Variants in ME1 observed in about 807,000 individuals in gnomAD.
The protein encoded by ME1 is NADP-dependent malic enzyme.
Under a neutral mutation model 66.4 loss-of-function variants are expected in ME1, and 74 were observed. The observed-to-expected ratio is 1.11, with a 90% confidence interval of 0.92 to 1.35. The LOEUF is 1.35. Among genes scored for constraint, ME1 ranks in the 40% most tolerant of loss-of-function variants. The probability of loss-of-function intolerance (pLI) is 0.00; values close to 1 mark genes in which losing one functional copy is unlikely to be tolerated. For missense variants in ME1, 750 were observed against 694.1 expected, an observed-to-expected ratio of 1.08 and a Z score of -0.90; for synonymous variants, 251 against 235.6, an observed-to-expected ratio of 1.07 and a Z score of -0.60.
intron 7 of ME1, among the ~76,000 whole-genome samples, chr6:83,243,636 CATTATATCGATATAATCTATTATA>C (rs1790554095): frequency 1.2e-5 from 1 of 86,486 alleles, no homozygotes. Flanking sequence ...ATTATAATTA[CATTATATCGATATAATCTATTATA>C]ATTACATTAT....
At chr6:83,415,230 C>T (rs1338088846) in intron 1 of ME1, among the ~76,000 whole-genome samples, 1 of 152,166 alleles carries the variant, frequency 6.6e-6, no homozygotes, top group African/African-American at 2.4e-5. Context: ...GAAGAATCTG[C>T]AGACTATGAA....
At chr6:83,375,759 A>T (rs1035474481) in intron 3 of ME1, among the ~76,000 whole-genome samples, 1 of 152,086 alleles carries the variant, frequency 6.6e-6, no homozygotes, top group Non-Finnish European at 1.5e-5. Context: ...TTATTTTGAG[A>T]TATGTTCCAT....
At chr6:83,393,132 G>A in intron 3 of ME1, 1 of 1,373,116 alleles carries the variant, frequency 7.3e-7, no homozygotes, top group Non-Finnish European at 1.0e-6. Context: ...GTCAGTGGTG[G>A]ACCTGACCTG....
chr6:83,264,463 C>T (rs1346751017), intron 6 of ME1, among the ~76,000 whole-genome samples: 2 of 152,112 alleles, frequency 1.3e-5, no homozygotes, highest in African/African-American at 4.8e-5. Flanking sequence ...TATTGCTACC[C>T]TAGACAATAA....
chr6:83,388,420 C>T (rs1370044947), intron 3 of ME1, among the ~76,000 whole-genome samples: 2 of 152,074 alleles, frequency 1.3e-5, no homozygotes, highest in East Asian at 3.9e-4. Flanking sequence ...TCAAATATTC[C>T]AATATTCTGA....
At chr6:83,385,891 A>G (rs1769495024) in intron 3 of ME1, among the ~76,000 whole-genome samples, 1 of 151,912 alleles carries the variant, frequency 6.6e-6, no homozygotes. Flanking sequence ...TTAAATTCAT[A>G]ATTTAAGAAA....
At chr6:83,414,025 C>A (rs557100913) in intron 1 of ME1, among the ~76,000 whole-genome samples, 76 of 145,382 alleles carry the variant, frequency 5.2e-4, no homozygotes, top group Non-Finnish European at 8.5e-4. Context: ...GTGGGAAGAT[C>A]ATTTGATCCT....
intron 6 of ME1, among the ~76,000 whole-genome samples, chr6:83,311,368 C>A (rs886129965): frequency 6.6e-6 from 1 of 152,118 alleles, no homozygotes; most frequent in African/African-American, 2.4e-5. Flanking sequence ...TCCTGAGATA[C>A]AGGATTTAAC....
At chr6:83,258,178 G>A (rs191126400) in intron 6 of ME1, among the ~76,000 whole-genome samples, 53 of 152,214 alleles carry the variant, frequency 3.5e-4, no homozygotes, top group African/African-American at 1.3e-3. Flanking sequence ...GTAAAATGGT[G>A]TACAGGATAC....
chr6:83,403,329 A>C (rs907180281), intron 2 of ME1, among the ~76,000 whole-genome samples: 8 of 152,314 alleles, frequency 5.3e-5, no homozygotes, highest in African/African-American at 7.2e-5. Context: ...TATGAACAAC[A>C]GAAATTGATT....
chr6:83,294,764 G>GA (rs1357524403), intron 6 of ME1, among the ~76,000 whole-genome samples: 1 of 151,748 alleles, frequency 6.6e-6, no homozygotes, highest in Non-Finnish European at 1.5e-5. Context: ...AGTTCCCCCC[G>GA]ACTCCCCCTG....
At chr6:83,381,427 G>A (rs542442948) in intron 3 of ME1, among the ~76,000 whole-genome samples, 1 of 149,316 alleles carries the variant, frequency 6.7e-6, no homozygotes, top group African/African-American at 2.5e-5. Flanking sequence ...ACGGAGTCTC[G>A]CTCTGTTGCC....
chr6:83,278,533 C>G (rs1767232046), intron 6 of ME1, among the ~76,000 whole-genome samples: 1 of 152,188 alleles, frequency 6.6e-6, no homozygotes. Flanking sequence ...CCTAGAACTC[C>G]TGGGCTCAAG....
rs1554262672 is a variant in ME1 at position 83,230,135 on chromosome 6, T to TTTTG, written c.1027-1205_1027-1204insCAAA. On this transcript the variant is annotated intron_variant, in intron 9 of 13. Coordinates refer to ENST00000369705, the MANE Select transcript of ME1 (RefSeq NM_002395.6). ...GCCACCATGCCAGGCTCTGTTTTTT[T>TTTTG]TTGTTGTTGTTGTTGTTGTTGTTGT... Among the ~76,000 whole-genome samples the TTTTG allele has an allele frequency of 3.3e-4, 50 of 151,698 alleles. 1 individual carries two copies. Among genetic ancestry groups the TTTTG allele is most frequent in the South Asian group, 2.1e-4 (1 of 4,804 alleles).
chr6:83,226,753 T>C (rs1426467702), intron 11 of ME1, among the ~76,000 whole-genome samples: 1 of 151,890 alleles, frequency 6.6e-6, no homozygotes, highest in South Asian at 2.1e-4. Flanking sequence ...TTTGTTGTAA[T>C]GATATTTTAA....
chr6:83,270,999 A>G (rs1767072299), intron 6 of ME1, among the ~76,000 whole-genome samples: 1 of 151,682 alleles, frequency 6.6e-6, no homozygotes, highest in African/African-American at 2.4e-5. Flanking sequence ...CAAATGAAGT[A>G]AAGTTGTGGC....
chr6:83,309,606 TGTGAA>T (rs1424847048), intron 6 of ME1, among the ~76,000 whole-genome samples: 1 of 152,100 alleles, frequency 6.6e-6, no homozygotes, highest in Non-Finnish European at 1.5e-5. Flanking sequence ...TGAGTATAAA[TGTGAA>T]GTGGAGTTTT....
At chr6:83,251,273 T>C (rs1487735366) in intron 7 of ME1, among the ~76,000 whole-genome samples, 1 of 152,044 alleles carries the variant, frequency 6.6e-6, no homozygotes, top group Non-Finnish European at 1.5e-5. Context: ...GGCGGGCAGA[T>C]CACTTGCATT....
intron 2 of ME1, among the ~76,000 whole-genome samples, chr6:83,403,494 T>G (rs1769874744): frequency 6.6e-6 from 1 of 152,170 alleles, no homozygotes; most frequent in East Asian, 1.9e-4. Context: ...TATTTTTTTA[T>G]TTTTTATTTT....
Sources: gnomAD v4.1 joint callset for allele counts (sites outside exome capture counted in the v4.1 genomes callset) on GRCh38, gnomAD v4.1.1 for gene constraint, MANE v1.5 for transcripts, NCBI Gene and HGNC (gene_info 2026-07-23, HGNC 2026-07-21) for gene names.